Variants in PCDH11X observed in about 807,000 individuals in gnomAD.
PCDH11X encodes the protein protocadherin 11 X-linked.
PCDH11X carries 18 observed loss-of-function variants against 53.3 expected under a neutral mutation model. The ratio of observed to expected loss-of-function variants is 0.34; its 90% CI spans 0.23 to 0.50. The LOEUF is 0.50. PCDH11X is among the 20% of genes least tolerant of loss of function. The probability of loss-of-function intolerance (pLI) is 0.98; values close to 1 mark genes in which losing one functional copy is unlikely to be tolerated. For missense variants in PCDH11X, 570 were observed against 1,032.4 expected (o/e 0.55, Z 6.14); for synonymous variants, 279 against 393.3 (o/e 0.71, Z 3.44).
At chrX:92,275,790 C>T (rs1255310622) in intron 8 of PCDH11X, among the ~76,000 whole-genome samples, 3 of 111,394 alleles carry the variant, frequency 2.7e-5, no homozygotes, top group African/African-American at 9.8e-5. Flanking sequence ...AATCCTTTTA[C>T]AGCATGCTGT....
At chrX:91,982,026 G>T (rs1393116941) in intron 6 of PCDH11X, among the ~76,000 whole-genome samples, 1 of 110,018 alleles carries the variant, frequency 9.1e-6, no homozygotes, top group Non-Finnish European at 1.9e-5. Context: ...GGAGTTCCTG[G>T]AAGCTATTTC....
At chrX:92,316,275 A>G (rs1229922406) in intron 8 of PCDH11X, among the ~76,000 whole-genome samples, 10 of 110,990 alleles carry the variant, frequency 9.0e-5, no homozygotes, top group Non-Finnish European at 1.7e-4. Context: ...GGCAAATAAT[A>G]TTGTAGAAAT....
chrX:92,415,095 A>G (rs766873116), intron 9 of PCDH11X, among the ~76,000 whole-genome samples: 1 of 111,202 alleles, frequency 9.0e-6, no homozygotes, highest in South Asian at 3.8e-4. Flanking sequence ...ACTTTTTTAA[A>G]CTTTCCTAGA....
intron 6 of PCDH11X, among the ~76,000 whole-genome samples, chrX:92,004,518 C>T (rs1449056302): frequency 9.0e-6 from 1 of 110,556 alleles, no homozygotes; most frequent in Non-Finnish European, 1.9e-5. Flanking sequence ...TGGGAACTAT[C>T]CCTCTCTTTA....
intron 10 of PCDH11X, among the ~76,000 whole-genome samples, chrX:92,525,916 G>A (rs996104484): frequency 9.0e-6 from 1 of 110,948 alleles, no homozygotes; most frequent in Non-Finnish European, 1.9e-5. Flanking sequence ...ATTAAACACG[G>A]AGTGCTACCG....
chrX:91,898,318 AT>A (rs1345490435), intron 6 of PCDH11X, among the ~76,000 whole-genome samples: 1 of 108,414 alleles, frequency 9.2e-6, no homozygotes. Context: ...TACCAAAGCT[AT>A]CTCAGATCAA....
intron 10 of PCDH11X, among the ~76,000 whole-genome samples, chrX:92,570,888 T>A (rs1343116072): frequency 9.1e-6 from 1 of 110,138 alleles, no homozygotes; most frequent in Non-Finnish European, 1.9e-5. Context: ...GAAACGGTAT[T>A]ATGGGGAATG....
chrX:91,821,301 A>G (rs1163521188), intron 4 of PCDH11X, among the ~76,000 whole-genome samples: 1 of 109,069 alleles, frequency 9.2e-6, no homozygotes, highest in Non-Finnish European at 1.9e-5. Flanking sequence ...CTTCCTACCC[A>G]TGAGCATGGA....
rs190600821 is a variant in PCDH11X, at chrX:92,120,574, C to T, written c.3034-80801C>T. Among the ~76,000 whole-genome samples the T allele has an allele frequency of 7.9e-3, 887 of 112,546 alleles. 8 individuals are homozygous for T. The highest frequency in any genetic ancestry group is 0.027 in the African/African-American group (836 of 31,061). Reference sequence around the variant, plus strand: ...ATAAAGTAATTCAAATGCTAATTGTCGAATTCATATTTTACACTTTTGATC... The same window carrying T: ...ATAAAGTAATTCAAATGCTAATTGTTGAATTCATATTTTACACTTTTGATC... On this transcript the variant is annotated intron_variant, in intron 6 of 10. Transcript: ENST00000682573.
chrX:91,944,093 G>A (rs2061543186), intron 6 of PCDH11X, among the ~76,000 whole-genome samples: 1 of 85,917 alleles, frequency 1.2e-5, no homozygotes, highest in Non-Finnish European at 2.3e-5. Context: ...CTTAATAACA[G>A]ACTTACAAAA....
chrX:92,336,038 C>T (rs1418223100), intron 8 of PCDH11X, among the ~76,000 whole-genome samples: 1 of 111,195 alleles, frequency 9.0e-6, no homozygotes, highest in Non-Finnish European at 1.9e-5. Flanking sequence ...CACAAGAGAA[C>T]AGCTATAGCA....
chrX:92,481,612 G>A (rs1020049892), intron 10 of PCDH11X, among the ~76,000 whole-genome samples: 24 of 110,953 alleles, frequency 2.2e-4, no homozygotes, highest in Non-Finnish European at 4.3e-4. Flanking sequence ...GGGTGCGCAG[G>A]TTGGACCATC....
intron 10 of PCDH11X, among the ~76,000 whole-genome samples, chrX:92,528,453 C>T (rs59835586): frequency 0.053 from 5,814 of 110,395 alleles, 125 homozygotes; most frequent in South Asian, 0.12. Context: ...CCACCACACC[C>T]GGCTAATTTT....
At chrX:92,482,629 G>A (rs2073533049) in intron 10 of PCDH11X, among the ~76,000 whole-genome samples, 1 of 111,319 alleles carries the variant, frequency 9.0e-6, no homozygotes, top group Non-Finnish European at 1.9e-5. Context: ...ATGTCTAACT[G>A]TGAAGATGAT....
chrX:92,215,295 T>A (rs970377786), intron 7 of PCDH11X, among the ~76,000 whole-genome samples: 1 of 108,323 alleles, frequency 9.2e-6, no homozygotes, highest in African/African-American at 3.4e-5. Flanking sequence ...TTCCCTTTCC[T>A]AGTCAAAGAA....
At chrX:92,609,120 A>C (rs1569510155) in intron 10 of PCDH11X, among the ~76,000 whole-genome samples, 1 of 111,776 alleles carries the variant, frequency 8.9e-6, no homozygotes, top group Non-Finnish European at 1.9e-5. Context: ...TATGGCTATG[A>C]CACAGTTCAT....
chrX:91,805,760 A>G (rs1384684531), intron 1 of PCDH11X, among the ~76,000 whole-genome samples: 1 of 108,624 alleles, frequency 9.2e-6, no homozygotes, highest in African/African-American at 3.4e-5. Flanking sequence ...GAGGAGTTAG[A>G]GGCTTCAGTG....
chrX:91,942,414 G>A (rs905872392), intron 6 of PCDH11X, among the ~76,000 whole-genome samples: 5 of 109,971 alleles, frequency 4.5e-5, no homozygotes, highest in Non-Finnish European at 9.6e-5. Flanking sequence ...GAAGAAAGAC[G>A]AAATATTTTG....
intron 6 of PCDH11X, among the ~76,000 whole-genome samples, chrX:92,108,351 G>A (rs1444744331): frequency 8.9e-6 from 1 of 111,961 alleles, no homozygotes; most frequent in Non-Finnish European, 1.9e-5. Context: ...AAGGCTGACT[G>A]CCTTGGCAAG....
Sources: allele counts gnomAD v4.1 joint callset (sites outside exome capture counted in the v4.1 genomes callset), GRCh38; gene constraint gnomAD v4.1.1; transcripts MANE v1.5; gene names NCBI Gene and HGNC (gene_info 2026-07-23, HGNC 2026-07-21).